The following ZNF429 variants were observed in gnomAD, a reference collection of about 807,000 sequenced individuals.
ZNF429 encodes zinc finger protein 429.
ZNF429 carries 53 observed loss-of-function variants against 56.8 expected under a neutral mutation model. That is an observed-to-expected ratio of 0.93 (90% CI 0.75 to 1.17). The LOEUF is 1.17. Among genes scored for constraint, ZNF429 ranks in the 50% most tolerant of loss-of-function variants. The pLI is 0.00. For missense variants in ZNF429, 849 were observed against 788.4 expected (o/e 1.08, Z -0.92); for synonymous variants, 278 against 264.7 (o/e 1.05, Z -0.49).
At chr19:21,535,983 G>A in intron 3 of ZNF429, among the ~76,000 whole-genome samples, 4 of 152,136 alleles carry the variant, frequency 2.6e-5, no homozygotes, top group African/African-American at 9.7e-5. Context: ...GTTTTATTGG[G>A]GAACAGGAAG....
At chr19:21,530,804 CTG>C in intron 3 of ZNF429, 120 bp downstream of exon 3, 2 of 839,534 alleles carry the variant, frequency 2.4e-6, no homozygotes, top group Non-Finnish European at 1.8e-6. Flanking sequence ...TTCTGAAAAA[CTG>C]TGTTCTAAAA....
Position 21,535,400 on chromosome 19 carries a change from T to TC in ZNF429, c.227-879dup. 2.7e-3 allele frequency among the ~76,000 whole-genome samples: 106 copies of TC among 39,652 alleles called. 11 individuals are homozygous for TC. The highest frequency in any genetic ancestry group is 0.026 in the African/African-American group (99 of 3,792). The allele number at this position is 39,652 out of a possible 152,430, so 26.0% of individuals were successfully genotyped here. Reference sequence around the variant, plus strand: ...TTCTTTTTTACTTTCTTTCTTTCTTTCTTTCTTTTTCTTTTCTTTCTTTCT... The same window carrying TC: ...TTCTTTTTTACTTTCTTTCTTTCTTTCCTTTCTTTTTCTTTTCTTTCTTTCT... On this transcript the variant is annotated intron_variant, in intron 3 of 3. Transcript: ENST00000358491.
chr19:21,534,969 C>T, intron 3 of ZNF429, among the ~76,000 whole-genome samples: 4 of 145,142 alleles, frequency 2.8e-5, no homozygotes, highest in African/African-American at 1.0e-4. Flanking sequence ...ACCACCACGC[C>T]TGGCTAATTT....
In ZNF429 at chr19:21,535,425, TTTC is replaced by T; in HGVS notation, c.227-852_227-850del. 6.1e-3 allele frequency among the ~76,000 whole-genome samples: 38 copies of T among 6,200 alleles called. 3 individuals are homozygous for T. The highest frequency in any genetic ancestry group is 8.8e-3 in the South Asian group (2 of 228). The allele number at this position is 6,200 out of a possible 152,430, so 4.1% of individuals were successfully genotyped here. On this transcript the variant is annotated intron_variant, in intron 3 of 3. Transcript: ENST00000358491. ...TCTTTCTTTTTCTTTTCTTTCTTTC[TTTC>T]TTTCTTTCTTTCTTTCTTTCTTTCT...
chr19:21,535,650 G>A, intron 3 of ZNF429, among the ~76,000 whole-genome samples: 8 of 151,394 alleles, frequency 5.3e-5, no homozygotes, highest in East Asian at 1.9e-4. Context: ...GAGTAGCTGG[G>A]ATTATAGGTG....
At chr19:21,535,948 G>T in intron 3 of ZNF429, among the ~76,000 whole-genome samples, 1 of 152,166 alleles carries the variant, frequency 6.6e-6, no homozygotes, top group Non-Finnish European at 1.5e-5. Flanking sequence ...ATGAGGAGCT[G>T]GCAATTTACT....
At chr19:21,535,488 CTTTCTTTCTTCT>C in intron 3 of ZNF429, among the ~76,000 whole-genome samples, 12 of 80,876 alleles carry the variant, frequency 1.5e-4, no homozygotes, top group South Asian at 7.6e-4. Context: ...TTCTTTCTTT[CTTTCTTTCTTCT>C]TTCTTTCTTT....
chr19:21,505,651 TC>T lies in ZNF429; in HGVS notation c.-119del. 9.2e-7 allele frequency: 1 copy of T among 1,083,402 alleles called. No homozygotes were observed. Among genetic ancestry groups the T allele is most frequent in the Non-Finnish European group, 1.3e-6 (1 of 756,822 alleles). The allele number at this position is 1,083,402 out of a possible 1,614,324, so 67.1% of individuals were successfully genotyped here. ...GTTTGGCTCTTGCTGCAGCCAGAGC[TC>T]CAGGTCTCGTCTTCATTTCTGTGTC... On this transcript the variant is annotated 5_prime_UTR_variant, in exon 1 of 4. It removes the in-frame stop codon of an upstream open reading frame in the 5' UTR. Coordinates refer to ENST00000358491, the MANE Select transcript of ZNF429 (RefSeq NM_001001415.4).
intron 1 of ZNF429, among the ~76,000 whole-genome samples, chr19:21,523,323 C>T (rs966876695): frequency 2.0e-5 from 3 of 152,164 alleles, no homozygotes; most frequent in East Asian, 1.9e-4. Context: ...CTTTTTAGGT[C>T]GGGGCGAAAG....
chr19:21,536,224 GTATA>G, intron 3 of ZNF429, 52 bp from the exon 4 acceptor site: 9 of 1,483,152 alleles, frequency 6.1e-6, no homozygotes, highest in Non-Finnish European at 8.1e-6. Flanking sequence ...TGTTTGTGAC[GTATA>G]TATATCTGAG....
In ZNF429 at chr19:21,537,358, C is replaced by CTA; in HGVS notation, c.1307_1308dup (p.Ser437IlefsTer248). The CTA allele has an allele frequency of 6.2e-7, 1 of 1,613,042 alleles. No homozygotes were observed. The highest frequency in any genetic ancestry group is 2.2e-5 in the East Asian group (1 of 44,742). On this transcript the variant is annotated frameshift_variant, in exon 4 of 4. Transcript: ENST00000358491. LOFTEE classifies it high-confidence loss of function. ...GTGAAGAATGTGGCAAAGTTTTTAC[C>CTA]TATTCCTCTACACTTACTAGACATA...
At chr19:21,506,261 C>A (rs1181617231) in intron 1 of ZNF429, among the ~76,000 whole-genome samples, 1 of 152,092 alleles carries the variant, frequency 6.6e-6, no homozygotes, top group Admixed American at 6.6e-5. Flanking sequence ...CATTCGAGAA[C>A]AGCCTGGCCA....
rs59611982 is a variant in ZNF429 at position 21,539,587 on chromosome 19, A to ATT, written c.*1523_*1524dup. Among the ~76,000 whole-genome samples, 35,589 of 136,412 alleles carry ATT rather than the reference A, an allele frequency of 0.26. 4,861 individuals carry two copies. Among genetic ancestry groups the ATT allele is most frequent in the East Asian group, 0.42 (1,954 of 4,610 alleles). The allele number at this position is 136,412 out of a possible 152,430, so 89.5% of individuals were successfully genotyped here. ...CAGGCATACACCAGCATGTCTGGCTATTTTTTTTTTTTTTTGTATTTTTAG... is the reference window on the plus strand; with the variant it reads ...CAGGCATACACCAGCATGTCTGGCTATTTTTTTTTTTTTTTTTGTATTTTTAG... On this transcript the variant is annotated 3_prime_UTR_variant, in exon 4 of 4. Transcript: ENST00000358491.
intron 2 of ZNF429, among the ~76,000 whole-genome samples, chr19:21,529,990 GACC>G: frequency 6.6e-6 from 1 of 152,124 alleles, no homozygotes; most frequent in Non-Finnish European, 1.5e-5. Flanking sequence ...GAGGTCAGGA[GACC>G]ATCCTGGCTA....
chr19:21,505,897 T>G, intron 1 of ZNF429, 123 bp downstream of exon 1: 5 of 1,115,008 alleles, frequency 4.5e-6, no homozygotes, highest in Non-Finnish European at 5.3e-6. Flanking sequence ...GGAATTCTCC[T>G]TGCCCAGCTC....
Position 21,536,724 on chromosome 19 carries a change from T to G in ZNF429, c.671T>G (p.Val224Gly). The G allele has an allele frequency of 6.2e-7, 1 of 1,613,812 alleles. No individual in the cohort carries two copies. Among genetic ancestry groups the G allele is most frequent in the South Asian group, 1.1e-5 (1 of 91,084 alleles). The change falls in exon 4 of 4, where the codon GTT becomes GGT. Residue 224 changes from valine (V) to glycine (G), a missense_variant. Val to Gly is a moderately radical substitution (Grantham distance 109). Coordinates refer to ENST00000358491, the MANE Select transcript of ZNF429 (RefSeq NM_001001415.4). ...SALTNHKRIYVGEKHYRCEEC... is the reference protein window; with the variant it reads ...SALTNHKRIYGGEKHYRCEEC... The stretch of plus-strand genomic sequence containing the variant: ...CTTACTAACCATAAGAGAATTTATG[T>G]TGGTGAGAAACACTACAGATGTGAA...
intron 3 of ZNF429, among the ~76,000 whole-genome samples, chr19:21,534,654 C>A: frequency 1.3e-5 from 2 of 152,140 alleles, no homozygotes; most frequent in Non-Finnish European, 2.9e-5. Context: ...AAAGGCATGA[C>A]CCACTGTACC....
intron 1 of ZNF429, among the ~76,000 whole-genome samples, chr19:21,523,635 A>G (rs557013685): frequency 1.3e-5 from 2 of 152,338 alleles, no homozygotes; most frequent in East Asian, 3.9e-4. Flanking sequence ...ACCTTTTATC[A>G]GGCCACACTC....
Position 21,515,396 on chromosome 19 carries a change from A to G in ZNF429, c.3+9622A>G, listed in dbSNP as rs114381566. Among the ~76,000 whole-genome samples the G allele has an allele frequency of 1.7e-3, 257 of 152,218 alleles. 2 individuals are homozygous for G. The highest frequency in any genetic ancestry group is 5.9e-3 in the African/African-American group (247 of 41,566). ...TAGCCACATGTATATCTTCTTTAGA[A>G]TGGCATCTATTCATGTTTTTTGCCT... On this transcript the variant is annotated intron_variant, in intron 1 of 3. Transcript: ENST00000358491.
Sources: allele counts gnomAD v4.1 joint callset (sites outside exome capture counted in the v4.1 genomes callset), GRCh38; gene constraint gnomAD v4.1.1; transcripts MANE v1.5; gene names NCBI Gene and HGNC (gene_info 2026-07-23, HGNC 2026-07-21).